LRMDA: variants seen among roughly 807,000 people sequenced by gnomAD.
LRMDA encodes the protein leucine-rich melanocyte differentiation-associated protein.
A neutral mutation model predicts 29.8 loss-of-function variants in LRMDA; 18 were observed. That is an observed-to-expected ratio of 0.60 (90% CI 0.42 to 0.90). The LOEUF is 0.90. Ranked by LOEUF, LRMDA falls within the 40% of genes least tolerant of loss-of-function variation. The pLI is 0.00. For synonymous variants in LRMDA, 125 were observed against 109.4 expected, an observed-to-expected ratio of 1.14 and a Z score of -0.89; for missense variants, 273 against 273.9, an observed-to-expected ratio of 1.00 and a Z score of 0.02.
intron 5 of LRMDA, among the ~76,000 whole-genome samples, chr10:76,312,580 G>A (rs1260280039): frequency 6.6e-6 from 1 of 152,078 alleles, no homozygotes; most frequent in Non-Finnish European, 1.5e-5. Flanking sequence ...GGACTACCAT[G>A]ACATAATATC....
At chr10:75,744,442 T>C (rs1564555981) in intron 2 of LRMDA, among the ~76,000 whole-genome samples, 1 of 152,194 alleles carries the variant, frequency 6.6e-6, no homozygotes, top group Non-Finnish European at 1.5e-5. Context: ...TTCTCAGTGT[T>C]TTTGCTTTCA....
At chr10:75,496,085 C>T (rs1045884013) in intron 2 of LRMDA, among the ~76,000 whole-genome samples, 1 of 152,212 alleles carries the variant, frequency 6.6e-6, no homozygotes, top group African/African-American at 2.4e-5. Context: ...TGTTTGCATT[C>T]TGGAATGTTT....
chr10:75,650,506 G>T (rs769696352), intron 2 of LRMDA, among the ~76,000 whole-genome samples: 5 of 151,538 alleles, frequency 3.3e-5, no homozygotes, highest in Non-Finnish European at 7.4e-5. Context: ...TCATGATAAG[G>T]TTGAGAGATA....
intron 5 of LRMDA, among the ~76,000 whole-genome samples, chr10:76,138,788 T>C (rs1364006196): frequency 6.6e-6 from 1 of 152,226 alleles, no homozygotes; most frequent in Non-Finnish European, 1.5e-5. Context: ...TAAGAATTTA[T>C]GTAAGTATGC....
chr10:76,319,660 A>T (rs1034048113), intron 5 of LRMDA, among the ~76,000 whole-genome samples: 1 of 152,218 alleles, frequency 6.6e-6, no homozygotes, highest in African/African-American at 2.4e-5. Flanking sequence ...TTTTCTTATG[A>T]GAGAAAATAA....
intron 2 of LRMDA, among the ~76,000 whole-genome samples, chr10:75,972,310 C>A (rs190356206): frequency 4.6e-5 from 7 of 151,158 alleles, no homozygotes; most frequent in Admixed American, 1.3e-4. Flanking sequence ...TTTTAAAGAG[C>A]GAGAAAACCT....
At chr10:75,828,270 A>AG (rs1354394924) in intron 2 of LRMDA, among the ~76,000 whole-genome samples, 1 of 152,184 alleles carries the variant, frequency 6.6e-6, no homozygotes. Context: ...TTTGCTGCAT[A>AG]AATATTATCA....
intron 5 of LRMDA, among the ~76,000 whole-genome samples, chr10:76,242,502 G>A (rs958816643): frequency 9.9e-5 from 15 of 152,102 alleles, no homozygotes; most frequent in African/African-American, 3.4e-4. Context: ...GCAATCCCTG[G>A]TGTGCTATCA....
At chr10:76,475,851 C>T (rs1232099679) in intron 6 of LRMDA, among the ~76,000 whole-genome samples, 9 of 151,820 alleles carry the variant, frequency 5.9e-5, no homozygotes, top group East Asian at 1.9e-4. Flanking sequence ...TTGAAACCAA[C>T]GAGAACAAAG....
intron 6 of LRMDA, among the ~76,000 whole-genome samples, chr10:76,377,525 G>A (rs1206431119): frequency 6.6e-6 from 1 of 152,110 alleles, no homozygotes; most frequent in African/African-American, 2.4e-5. Context: ...ATAGTTTGAG[G>A]TCTTTATTCC....
chr10:76,208,052 A>T (rs1851569304), intron 5 of LRMDA, among the ~76,000 whole-genome samples: 1 of 152,174 alleles, frequency 6.6e-6, no homozygotes, highest in Non-Finnish European at 1.5e-5. Flanking sequence ...TCTCACCAAG[A>T]TGCAGTTACG....
At chr10:76,535,205 A>T (rs1843277443) in intron 6 of LRMDA, among the ~76,000 whole-genome samples, 1 of 152,178 alleles carries the variant, frequency 6.6e-6, no homozygotes, top group South Asian at 2.1e-4. Flanking sequence ...GCATTTTGTA[A>T]TGCAAATTAA....
intron 1 of LRMDA, among the ~76,000 whole-genome samples, chr10:75,432,777 C>T (rs886864318): frequency 6.6e-6 from 1 of 152,204 alleles, no homozygotes; most frequent in Non-Finnish European, 1.5e-5. Flanking sequence ...TGAGGGCCAA[C>T]TGTGCAGCCC....
intron 2 of LRMDA, among the ~76,000 whole-genome samples, chr10:75,864,630 C>T (rs1161945021): frequency 6.6e-6 from 1 of 152,232 alleles, no homozygotes; most frequent in African/African-American, 2.4e-5. Context: ...GCTACACTTT[C>T]TGCTCTAATG....
At chr10:76,314,540 A>C (rs1054101390) in intron 5 of LRMDA, among the ~76,000 whole-genome samples, 2 of 152,236 alleles carry the variant, frequency 1.3e-5, no homozygotes, top group African/African-American at 4.8e-5. Flanking sequence ...CCATCACTGA[A>C]GAGTTGGAAA....
intron 2 of LRMDA, among the ~76,000 whole-genome samples, chr10:75,507,932 G>C (rs1010331430): frequency 6.6e-5 from 10 of 152,194 alleles, no homozygotes; most frequent in African/African-American, 2.2e-4. Context: ...CAGGTACACA[G>C]CTCTCAATTG....
intron 5 of LRMDA, among the ~76,000 whole-genome samples, chr10:76,175,710 A>T (rs1850921367): frequency 6.6e-6 from 1 of 152,180 alleles, no homozygotes; most frequent in African/African-American, 2.4e-5. Context: ...GAATTGCTGC[A>T]CCTGGGAAGA....
chr10:75,649,252 T>C (rs1250149352), intron 2 of LRMDA, among the ~76,000 whole-genome samples: 1 of 152,232 alleles, frequency 6.6e-6, no homozygotes, highest in Non-Finnish European at 1.5e-5. Context: ...TTAGCCTATG[T>C]TCAAGGTTCA....
intron 5 of LRMDA, among the ~76,000 whole-genome samples, chr10:76,274,563 T>C (rs1317919162): frequency 3.3e-5 from 5 of 152,204 alleles, no homozygotes; most frequent in African/African-American, 4.8e-5. Flanking sequence ...CTGTGTTCTT[T>C]CTAGTCAGTT....
Sources: allele counts gnomAD v4.1 joint callset (sites outside exome capture counted in the v4.1 genomes callset), GRCh38; gene constraint gnomAD v4.1.1; transcripts MANE v1.5; gene names NCBI Gene and HGNC (gene_info 2026-07-23, HGNC 2026-07-21).